The following WDR7 variants were observed in gnomAD, a reference collection of about 807,000 sequenced individuals.
WDR7 encodes the protein WD repeat-containing protein 7.
WDR7 carries 46 observed loss-of-function variants against 169.4 expected under a neutral mutation model. The observed-to-expected ratio is 0.27, with a 90% CI of 0.21 to 0.35. WDR7 has a LOEUF of 0.35. Among genes scored for constraint, WDR7 ranks in the 10% least tolerant of loss-of-function variants. The pLI is 1.00. For missense variants in WDR7, 1,534 were observed against 1,859.3 expected (o/e 0.83, Z 3.22); for synonymous variants, 612 against 666.8 (o/e 0.92, Z 1.27).
chr18:56,894,795 G>A (rs1409985417), intron 21 of WDR7, among the ~76,000 whole-genome samples: 2 of 152,070 alleles, frequency 1.3e-5, no homozygotes, highest in East Asian at 3.9e-4. Context: ...CTTTGATTAT[G>A]TAACTGCTGA....
intron 2 of WDR7, among the ~76,000 whole-genome samples, chr18:56,675,064 A>G (rs139270837): frequency 2.3e-4 from 35 of 152,290 alleles, no homozygotes; most frequent in Non-Finnish European, 4.3e-4. Context: ...CTAGATGTCT[A>G]TACTCGCTGT....
chr18:56,959,727 C>T lies in WDR7; in HGVS notation c.4065-2703C>T, dbSNP rs994315493. The stretch of plus-strand genomic sequence containing the variant: ...GGATCTGGTCAAGATTAGAAAAGTG[C>T]AGCTTTAAAAACTATAACGGACCCT... On this transcript the variant is annotated intron_variant, in intron 25 of 27. Transcript: ENST00000254442. Among the ~76,000 whole-genome samples, 10 of 152,126 alleles carry T rather than the reference C, an allele frequency of 6.6e-5. No individual in the cohort carries two copies. In the East Asian group the frequency reaches 1.9e-3, roughly 29 times the overall value.
At chr18:56,832,852 A>G (rs1263452482) in intron 20 of WDR7, among the ~76,000 whole-genome samples, 1 of 152,188 alleles carries the variant, frequency 6.6e-6, no homozygotes, top group Non-Finnish European at 1.5e-5. Context: ...AGAAAACACC[A>G]AAGTAGATAA....
chr18:56,792,423 C>G (rs2044503759), intron 19 of WDR7, among the ~76,000 whole-genome samples: 2 of 152,100 alleles, frequency 1.3e-5, no homozygotes, highest in African/African-American at 4.8e-5. Flanking sequence ...TTAGCTGTAA[C>G]CCCAGAGAGA....
At chr18:57,008,491 C>T (rs1234210763) in intron 26 of WDR7, among the ~76,000 whole-genome samples, 1 of 152,174 alleles carries the variant, frequency 6.6e-6, no homozygotes, top group Middle Eastern at 3.2e-3. Flanking sequence ...CCTCTCCTCG[C>T]CCCCTGGTGC....
chr18:56,918,973 A>C (rs1436313504), intron 21 of WDR7, among the ~76,000 whole-genome samples: 2 of 152,248 alleles, frequency 1.3e-5, no homozygotes, highest in Non-Finnish European at 2.9e-5. Flanking sequence ...TAAATAAATA[A>C]AAATAGCTTT....
At chr18:56,750,846 C>T (rs1293825744) in intron 14 of WDR7, among the ~76,000 whole-genome samples, 1 of 152,112 alleles carries the variant, frequency 6.6e-6, no homozygotes, top group African/African-American at 2.4e-5. Flanking sequence ...ATGCATTTAG[C>T]CAAAATATCC....
downstream of WDR7, chr18:57,032,724 G>T (rs2048447355): frequency 6.0e-6 from 1 of 165,798 alleles, no homozygotes; most frequent in South Asian, 2.0e-4. Context: ...ATCACCCCCA[G>T]AGAGGACCGT....
intron 1 of WDR7, among the ~76,000 whole-genome samples, chr18:56,670,754 G>A (rs1327827486): frequency 1.3e-5 from 2 of 152,056 alleles, no homozygotes; most frequent in African/African-American, 4.8e-5. Context: ...CAAGTGATCT[G>A]CCGACCTTGG....
At chr18:56,967,058 A>G (rs187221084) in intron 26 of WDR7, among the ~76,000 whole-genome samples, 2 of 152,362 alleles carry the variant, frequency 1.3e-5, no homozygotes, top group Non-Finnish European at 1.5e-5. Context: ...TATTAAAATA[A>G]AATTGGAAAT....
chr18:56,809,158 T>A (rs986191477), intron 19 of WDR7, among the ~76,000 whole-genome samples: 2 of 152,124 alleles, frequency 1.3e-5, no homozygotes, highest in Non-Finnish European at 2.9e-5. Context: ...GTACATTGGT[T>A]TTTTATTTTG....
chr18:56,716,422 G>A (rs1222933462), intron 12 of WDR7, among the ~76,000 whole-genome samples: 1 of 151,688 alleles, frequency 6.6e-6, no homozygotes, highest in Non-Finnish European at 1.5e-5. Context: ...AGCTAACAAA[G>A]AATAAAAATA....
intron 22 of WDR7, among the ~76,000 whole-genome samples, chr18:56,932,786 C>T (rs17090444): frequency 0.016 from 2,374 of 152,166 alleles, 54 homozygotes; most frequent in African/African-American, 0.052. Flanking sequence ...GGAAACTATC[C>T]ACTTGTCACT....
intron 1 of WDR7, among the ~76,000 whole-genome samples, chr18:56,669,068 G>T (rs943539924): frequency 3.3e-5 from 5 of 152,024 alleles, no homozygotes; most frequent in Non-Finnish European, 5.9e-5. Flanking sequence ...AGATAACTTT[G>T]TCAAGATCAC....
chr18:56,881,559 T>C (rs1223410701), intron 21 of WDR7, among the ~76,000 whole-genome samples: 1 of 152,168 alleles, frequency 6.6e-6, no homozygotes, highest in Admixed American at 6.6e-5. Context: ...TGGCTCCCAG[T>C]TGGAAAGGGC....
At chr18:56,984,565 A>G (rs1002764087) in intron 26 of WDR7, among the ~76,000 whole-genome samples, 5 of 152,196 alleles carry the variant, frequency 3.3e-5, no homozygotes, top group African/African-American at 1.2e-4. Context: ...TGTTTTACTC[A>G]CAAAAAAACT....
At chr18:56,772,166 T>C (rs1023333936) in intron 16 of WDR7, among the ~76,000 whole-genome samples, 1 of 151,814 alleles carries the variant, frequency 6.6e-6, no homozygotes, top group African/African-American at 2.4e-5. Flanking sequence ...TAATAGCAAT[T>C]TCAGACACTC....
intron 19 of WDR7, among the ~76,000 whole-genome samples, chr18:56,804,535 G>C (rs1220102057): frequency 6.6e-6 from 1 of 152,108 alleles, no homozygotes; most frequent in Non-Finnish European, 1.5e-5. Context: ...TAAAAACTCT[G>C]GTATGCTAAT....
chr18:56,979,679 T>C (rs1261276684), intron 26 of WDR7, among the ~76,000 whole-genome samples: 1 of 152,240 alleles, frequency 6.6e-6, no homozygotes, highest in Non-Finnish European at 1.5e-5. Context: ...AAATAATTTC[T>C]AAATTTAACA....
Sources: gnomAD v4.1 joint callset for allele counts (sites outside exome capture counted in the v4.1 genomes callset) on GRCh38, gnomAD v4.1.1 for gene constraint, MANE v1.5 for transcripts, NCBI Gene and HGNC (gene_info 2026-07-23, HGNC 2026-07-21) for gene names.